The following CYRIB variants were observed in gnomAD, a reference collection of about 807,000 sequenced individuals.
The protein encoded by CYRIB is CYFIP-related Rac1 interactor B.
A neutral mutation model predicts 44.2 loss-of-function variants in CYRIB; 8 were observed. The ratio of observed to expected loss-of-function variants is 0.18; its 90% CI spans 0.11 to 0.33. The LOEUF (loss-of-function observed/expected upper bound fraction) is 0.33. Ranked by LOEUF, CYRIB falls within the 10% of genes least tolerant of loss-of-function variation. The pLI, the probability that CYRIB is intolerant of heterozygous loss-of-function variation, is 1.00. For synonymous variants in CYRIB, 131 were observed against 127.2 expected, an observed-to-expected ratio of 1.03 and a Z score of -0.20; for missense variants, 185 against 382.8, an observed-to-expected ratio of 0.48 and a Z score of 4.31.
intron 4 of CYRIB, among the ~76,000 whole-genome samples, chr8:129,865,938 T>C (rs2053285295): frequency 6.6e-6 from 1 of 152,244 alleles, no homozygotes; most frequent in Non-Finnish European, 1.5e-5. Flanking sequence ...GTGACCATTA[T>C]GAATCCCTTC....
chr8:129,949,680 C>T (rs1220694407), intron 2 of CYRIB, among the ~76,000 whole-genome samples: 1 of 151,472 alleles, frequency 6.6e-6, no homozygotes, highest in Non-Finnish European at 1.5e-5. Flanking sequence ...CCAGCCTGAC[C>T]AACACATAGA....
intron 2 of CYRIB, among the ~76,000 whole-genome samples, chr8:129,968,975 C>A (rs970704130): frequency 6.7e-6 from 1 of 149,194 alleles, no homozygotes. Flanking sequence ...GTAGTCATGG[C>A]TTCAGCTCAC....
intron 2 of CYRIB, among the ~76,000 whole-genome samples, chr8:129,897,969 T>C (rs1318336862): frequency 1.3e-5 from 2 of 152,128 alleles, no homozygotes; most frequent in African/African-American, 2.4e-5. Context: ...TTTCGCCATG[T>C]TGGCCAGGCT....
intron 5 of CYRIB, among the ~76,000 whole-genome samples, chr8:129,859,460 A>T (rs1316367515): frequency 6.6e-6 from 1 of 151,942 alleles, no homozygotes; most frequent in East Asian, 1.9e-4. Context: ...AGTCTTCTCT[A>T]AACTCCCCCG....
intron 2 of CYRIB, chr8:129,879,782 C>A: frequency 4.2e-6 from 1 of 238,240 alleles, no homozygotes. Flanking sequence ...TCCAATAGTG[C>A]TAATATTCTG....
intron 4 of CYRIB, chr8:129,868,815 A>T (rs554866608): frequency 6.6e-6 from 1 of 151,616 alleles, no homozygotes; most frequent in Non-Finnish European, 1.5e-5. Flanking sequence ...TAGAGAAAAC[A>T]CTATTATTAT....
At chr8:129,951,376 C>T (rs944612390) in intron 2 of CYRIB, among the ~76,000 whole-genome samples, 2 of 151,684 alleles carry the variant, frequency 1.3e-5, no homozygotes, top group Non-Finnish European at 2.9e-5. Flanking sequence ...TAAAATCCAT[C>T]AACCTCAAGG....
chr8:129,921,438 T>G lies in CYRIB; in HGVS notation c.-49-18088A>C, dbSNP rs74523806. Among the ~76,000 whole-genome samples the G allele has an allele frequency of 1.9e-3, 284 of 152,306 alleles. 4 individuals are homozygous for G. In the East Asian group the frequency reaches 0.042, roughly 22 times the overall value. On this transcript the variant is annotated intron_variant, in intron 1 of 11. Transcript: ENST00000519824. ...GTGAAAAGTTTTGGGCAACCAGATA[T>G]TCACATGGTTTCAAAGTATCACCAA... is the stretch of plus-strand genomic sequence containing the variant.
intron 10 of CYRIB, among the ~76,000 whole-genome samples, chr8:129,848,635 G>A (rs932891785): frequency 4.6e-5 from 7 of 152,160 alleles, no homozygotes; most frequent in East Asian, 3.9e-4. Flanking sequence ...TGGTGTGATC[G>A]TGGCTCACTG....
Position 130,000,444 on chromosome 8 carries a change from G to C in CYRIB, c.-296+15926C>G, listed in dbSNP as rs573501643. Among the ~76,000 whole-genome samples, 3 of 152,254 alleles carry C rather than the reference G, an allele frequency of 2.0e-5. No homozygotes were observed. In the South Asian group the frequency reaches 6.2e-4, roughly 32 times the overall value. ...ACAGGGGCTCACGTCTGTGATACCA[G>C]CACTTTGGGAGGCTGAGGCTGGCAG... On this transcript the variant is annotated intron_variant, in intron 1 of 14. Coordinates refer to the CYRIB transcript ENST00000401979.
At chr8:129,996,875 A>G (rs940257901) in intron 1 of CYRIB, among the ~76,000 whole-genome samples, 1 of 152,138 alleles carries the variant, frequency 6.6e-6, no homozygotes, top group Non-Finnish European at 1.5e-5. Context: ...ATTCCTAACG[A>G]TGGAATGGCA....
chr8:129,966,196 GTCTT>G (rs1287610862), intron 2 of CYRIB, among the ~76,000 whole-genome samples: 2 of 152,164 alleles, frequency 1.3e-5, no homozygotes, highest in Non-Finnish European at 2.9e-5. Context: ...TGCTTCCACA[GTCTT>G]TCTATTACTA....
intron 1 of CYRIB, among the ~76,000 whole-genome samples, chr8:130,013,572 T>C (rs1466226): frequency 0.6 from 90,917 of 152,134 alleles, 27,759 homozygotes; most frequent in African/African-American, 0.73. Flanking sequence ...TGGACGATTT[T>C]GCTGAAGACA....
At chr8:129,867,880 T>G (rs1223396678) in intron 4 of CYRIB, among the ~76,000 whole-genome samples, 5 of 151,512 alleles carry the variant, frequency 3.3e-5, no homozygotes, top group African/African-American at 7.3e-5. Context: ...AATTTTATAG[T>G]TTTTTTTTAA....
chr8:129,849,506 G>T, intron 9 of CYRIB, 137 bp from the exon 12 acceptor site: 1 of 733,852 alleles, frequency 1.4e-6, no homozygotes. Context: ...ATGTTCACAA[G>T]TAGCCACACT....
chr8:130,002,093 C>A (rs917501586), intron 1 of CYRIB, among the ~76,000 whole-genome samples: 1 of 152,132 alleles, frequency 6.6e-6, no homozygotes, highest in Non-Finnish European at 1.5e-5. Flanking sequence ...TGTTGTATAT[C>A]TTTTATGAAG....
At chr8:129,851,094 G>A (rs898101282) in intron 8 of CYRIB, 180 bp from the exon 11 acceptor site, 1 of 574,722 alleles carries the variant, frequency 1.7e-6, no homozygotes, top group East Asian at 2.9e-5. Context: ...ATACAGCTAT[G>A]AGCAAGACAG....
rs79913915 is a variant in CYRIB at position 129,987,160 on chromosome 8, G to A, written c.-295-16165C>T. On this transcript the variant is annotated intron_variant, in intron 1 of 14. Transcript: ENST00000401979. ...CATCTTGAAAGGAGAGACTGCTTGAGAAACAAGAAAGAAAAGCAGGGCCAC... is the reference window on the plus strand; with the variant it reads ...CATCTTGAAAGGAGAGACTGCTTGAAAAACAAGAAAGAAAAGCAGGGCCAC... Among the ~76,000 whole-genome samples, 1,520 of 152,302 alleles carry A rather than the reference G, an allele frequency of 1.0e-2. 18 individuals are homozygous for A. Among genetic ancestry groups the A allele is most frequent in the Middle Eastern group, 0.024 (7 of 294 alleles).
chr8:129,995,475 A>G (rs2096744413), intron 1 of CYRIB, among the ~76,000 whole-genome samples: 1 of 152,232 alleles, frequency 6.6e-6, no homozygotes, highest in African/African-American at 2.4e-5. Flanking sequence ...TGTGAATAAC[A>G]CTATCTGAAG....
Sources: allele counts gnomAD v4.1 joint callset (sites outside exome capture counted in the v4.1 genomes callset), GRCh38; gene constraint gnomAD v4.1.1; transcripts MANE v1.5; gene names NCBI Gene and HGNC (gene_info 2026-07-23, HGNC 2026-07-21).